Variants in LRRC37A2 observed in about 807,000 individuals in gnomAD.
LRRC37A2 encodes leucine rich repeat containing 37 member A2, also known as leucine-rich repeat-containing protein 37A2.
LRRC37A2 carries 9 observed loss-of-function variants against 68.8 expected under a neutral mutation model. The ratio of observed to expected loss-of-function variants is 0.13; its 90% confidence interval spans 0.08 to 0.23. LRRC37A2 has a LOEUF of 0.23. Among genes scored for constraint, LRRC37A2 ranks in the 10% least tolerant of loss-of-function variants. The pLI is 1.00. For synonymous variants in LRRC37A2, 63 were observed against 367.6 expected, an observed-to-expected ratio of 0.17 and a Z score of 9.48; for missense variants, 168 against 950.4, an observed-to-expected ratio of 0.18 and a Z score of 10.82.
At chr17:47,038,075 G>A in the LRRC37A2 span, among the ~76,000 whole-genome samples, 5 of 152,216 alleles carry the variant, frequency 3.3e-5, no homozygotes, top group East Asian at 9.6e-4. Context: ...AGGCTGCGGT[G>A]GGAGGATTGC....
chr17:46,927,109 A>G, the LRRC37A2 span, among the ~76,000 whole-genome samples: 2 of 152,324 alleles, frequency 1.3e-5, no homozygotes, highest in African/African-American at 4.8e-5. Flanking sequence ...GGCTGAAGAA[A>G]TGTGATCTCA....
At chr17:46,892,565 AT>A in the LRRC37A2 span, among the ~76,000 whole-genome samples, 1 of 152,202 alleles carries the variant, frequency 6.6e-6, no homozygotes, top group Non-Finnish European at 1.5e-5. Flanking sequence ...CTGCACTAGC[AT>A]TGTAGGTGTC....
the LRRC37A2 span, among the ~76,000 whole-genome samples, chr17:46,796,609 C>T: frequency 1.3e-5 from 2 of 152,198 alleles, no homozygotes; most frequent in Non-Finnish European, 2.9e-5. Context: ...GTTCCTGCCC[C>T]GCAGGGGCTC....
At chr17:46,912,223 T>C in the LRRC37A2 span, among the ~76,000 whole-genome samples, 1 of 152,286 alleles carries the variant, frequency 6.6e-6, no homozygotes, top group Middle Eastern at 3.4e-3. Context: ...ATTTCTCTAG[T>C]CTGGGAGGGC....
chr17:46,876,712 G>A, the LRRC37A2 span: 2 of 1,542,642 alleles, frequency 1.3e-6, no homozygotes, highest in Admixed American at 3.7e-5. Context: ...ACACCTGCAA[G>A]CACTAGGCCT....
the LRRC37A2 span, among the ~76,000 whole-genome samples, chr17:46,710,498 G>T: frequency 1.3e-5 from 2 of 152,202 alleles, no homozygotes; most frequent in Non-Finnish European, 2.9e-5. Flanking sequence ...CCACAAAGTT[G>T]ATGTGAACAT....
chr17:46,768,184 G>T, the LRRC37A2 span: 1 of 1,354,044 alleles, frequency 7.4e-7, no homozygotes, highest in Non-Finnish European at 1.0e-6. This position sits in a 1 kb window ranked among gnomAD's most constrained non-coding sequence, Gnocchi z 5.0. Flanking sequence ...TCCTATTTTG[G>T]CTGTGGGAAC....
At chr17:46,839,953 T>TC in the LRRC37A2 span, among the ~76,000 whole-genome samples, 1 of 149,474 alleles carries the variant, frequency 6.7e-6, no homozygotes, top group African/African-American at 2.5e-5. Context: ...TCTTTCTTTC[T>TC]TTCTTTCTTT....
intron 6 of LRRC37A2, among the ~76,000 whole-genome samples, chr17:46,531,244 TC>T (rs1210041031): frequency 4.4e-5 from 3 of 68,472 alleles, no homozygotes; most frequent in African/African-American, 1.9e-4. Context: ...ATTTTACACT[TC>T]CATCTGCAAT....
chr17:46,899,666 T>A, the LRRC37A2 span, among the ~76,000 whole-genome samples: 1 of 152,090 alleles, frequency 6.6e-6, no homozygotes, highest in Non-Finnish European at 1.5e-5. Context: ...GAGGAGGTAA[T>A]GAAAAATGCT....
At chr17:46,791,860 C>A in the LRRC37A2 span, among the ~76,000 whole-genome samples, 4 of 152,084 alleles carry the variant, frequency 2.6e-5, no homozygotes, top group Admixed American at 6.5e-5. Context: ...GGCAACACAG[C>A]GAGACGCTGT....
chr17:46,913,987 G>T, the LRRC37A2 span, among the ~76,000 whole-genome samples: 4 of 152,048 alleles, frequency 2.6e-5, no homozygotes, highest in African/African-American at 7.2e-5. Flanking sequence ...GCAAACTCCT[G>T]ACTTTGGGTG....
chr17:46,947,010 C>T, the LRRC37A2 span, among the ~76,000 whole-genome samples: 1 of 152,122 alleles, frequency 6.6e-6, no homozygotes, highest in Non-Finnish European at 1.5e-5. Context: ...GGGACGGGGG[C>T]CAGATTCACA....
the LRRC37A2 span, among the ~76,000 whole-genome samples, chr17:46,598,468 T>C: frequency 1.3e-5 from 2 of 152,080 alleles, no homozygotes; most frequent in African/African-American, 2.4e-5. Flanking sequence ...ACACATACTT[T>C]AGTGCAAATA....
At chr17:46,737,585 G>A in the LRRC37A2 span, among the ~76,000 whole-genome samples, 4 of 151,290 alleles carry the variant, frequency 2.6e-5, no homozygotes, top group East Asian at 7.7e-4. Context: ...GTGTGTGTGT[G>A]TGTGTGTGTG....
At chr17:46,974,142 C>T in the LRRC37A2 span, among the ~76,000 whole-genome samples, 3 of 152,246 alleles carry the variant, frequency 2.0e-5, no homozygotes, top group African/African-American at 7.2e-5. Flanking sequence ...CTATCCCCGA[C>T]TCAGAGGACA....
At chr17:46,817,381 C>CCCCG in the LRRC37A2 span, among the ~76,000 whole-genome samples, 121 of 152,106 alleles carry the variant, frequency 8.0e-4, no homozygotes, top group African/African-American at 2.8e-3. Context: ...TCCCCCCGCC[C>CCCCG]AGGCCAAGGC....
chr17:46,713,087 A>G, the LRRC37A2 span: 2 of 152,278 alleles, frequency 1.3e-5, no homozygotes, highest in African/African-American at 4.8e-5. Flanking sequence ...GGCAAGTTCC[A>G]TTTTGAAGGG....
chr17:46,893,808 A>T, the LRRC37A2 span, among the ~76,000 whole-genome samples: 1 of 152,178 alleles, frequency 6.6e-6, no homozygotes. Flanking sequence ...CATTCTCCTG[A>T]GCTAGGGCAG....
Sources: allele counts gnomAD v4.1 joint callset (sites outside exome capture counted in the v4.1 genomes callset), GRCh38; gene constraint gnomAD v4.1.1; non-coding constraint Gnocchi (gnomAD v3.1); transcripts MANE v1.5; gene names NCBI Gene and HGNC (gene_info 2026-07-23, HGNC 2026-07-21).